Variants in ZNF423 observed in about 807,000 individuals in gnomAD.
The protein encoded by ZNF423 is zinc finger protein 423.
Under a neutral mutation model 95.8 loss-of-function variants are expected in ZNF423, and 12 were observed. That is an observed-to-expected ratio of 0.13 (90% confidence interval 0.08 to 0.20). The LOEUF (loss-of-function observed/expected upper bound fraction) is 0.20. ZNF423 is among the 10% of genes least tolerant of loss of function. The pLI is 1.00. For missense variants in ZNF423, 1,316 were observed against 1,737.1 expected, an observed-to-expected ratio of 0.76 and a Z score of 4.31; for synonymous variants, 749 against 711.9, an observed-to-expected ratio of 1.05 and a Z score of -0.83.
At chr16:49,732,833 C>T (rs1055134909) in intron 2 of ZNF423, among the ~76,000 whole-genome samples, 7 of 152,202 alleles carry the variant, frequency 4.6e-5, no homozygotes, top group Non-Finnish European at 8.8e-5. Flanking sequence ...ATCGGCTCAT[C>T]GGAGAGCCAG....
chr16:49,513,283 C>T (rs181164129), intron 7 of ZNF423, among the ~76,000 whole-genome samples: 1 of 152,262 alleles, frequency 6.6e-6, no homozygotes, highest in African/African-American at 2.4e-5. Flanking sequence ...CCATCTGGGC[C>T]CTGGTCTCCC....
chr16:49,730,019 A>G (rs976317109), intron 3 of ZNF423, among the ~76,000 whole-genome samples: 7 of 152,172 alleles, frequency 4.6e-5, no homozygotes, highest in African/African-American at 1.7e-4. Context: ...CACAGGTCCT[A>G]TGGACTCCCT....
intron 5 of ZNF423, among the ~76,000 whole-genome samples, chr16:49,534,981 A>G (rs1481738665): frequency 6.6e-6 from 1 of 151,894 alleles, no homozygotes; most frequent in Non-Finnish European, 1.5e-5. Flanking sequence ...CCATTTCTTT[A>G]TGGTTCTTCT....
intron 5 of ZNF423, among the ~76,000 whole-genome samples, chr16:49,569,271 T>C (rs1471627834): frequency 6.6e-6 from 1 of 152,200 alleles, no homozygotes; most frequent in Admixed American, 6.5e-5. Context: ...TTTCATGGAC[T>C]CCTGGAGAAG....
Position 49,635,392 on chromosome 16 carries a change from T to C in ZNF423, c.3516+268A>G, listed in dbSNP as rs754158954. Among the ~76,000 whole-genome samples, 1 of 152,246 alleles carries C rather than the reference T, an allele frequency of 6.6e-6. No homozygotes were observed. Among genetic ancestry groups the C allele is most frequent in the African/African-American group, 2.4e-5 (1 of 41,470 alleles). On this transcript the variant is annotated intron_variant, in intron 4 of 7. Transcript: ENST00000563137. This position sits in a 1 kb window ranked among gnomAD's most constrained non-coding sequence, Gnocchi z 4.8. ...GCCTCTTACAACAATTCTCTGAGGT[T>C]GGGACAATTATTATTCCCATTTTAT...
At chr16:49,536,870 C>T (rs1310999570) in intron 5 of ZNF423, among the ~76,000 whole-genome samples, 1 of 152,188 alleles carries the variant, frequency 6.6e-6, no homozygotes, top group African/African-American at 2.4e-5. Context: ...TGTTAGAATA[C>T]AGGCAAGGTG....
intron 5 of ZNF423, among the ~76,000 whole-genome samples, chr16:49,568,005 T>A (rs1970245547): frequency 6.6e-6 from 1 of 152,184 alleles, no homozygotes; most frequent in Non-Finnish European, 1.5e-5. Context: ...CAGAGAATAA[T>A]GGCACTCCTG....
intron 2 of ZNF423, among the ~76,000 whole-genome samples, chr16:49,786,637 T>C (rs2143808152): frequency 1.3e-5 from 2 of 152,170 alleles, no homozygotes; most frequent in Middle Eastern, 6.8e-3. Context: ...CCTGCTCAGC[T>C]CTCCACCTCC....
chr16:49,792,928 A>T (rs1223205871), intron 1 of ZNF423, among the ~76,000 whole-genome samples: 1 of 151,858 alleles, frequency 6.6e-6, no homozygotes, highest in East Asian at 1.9e-4. Context: ...CATCTGGCTA[A>T]TTTTTTTATT....
At chr16:49,512,029 C>G (rs531537584) in intron 7 of ZNF423, among the ~76,000 whole-genome samples, 30 of 152,264 alleles carry the variant, frequency 2.0e-4, no homozygotes, top group African/African-American at 6.3e-4. Flanking sequence ...CAGCACTATA[C>G]TATACTATAC....
rs550072095 is a variant in ZNF423 at position 49,669,286 on chromosome 16, G to A, written c.302-30412C>T. Reference sequence around the variant, plus strand: ...GGAGGTTGCAGTGAGCTGAGTTCGCGCCATTGCACTCCAGCCTGGATAACA... The same window carrying A: ...GGAGGTTGCAGTGAGCTGAGTTCGCACCATTGCACTCCAGCCTGGATAACA... On this transcript the variant is annotated intron_variant, in intron 3 of 7. Coordinates refer to ENST00000563137, the MANE Select transcript of ZNF423 (RefSeq NM_001379286.1). 5.3e-5 allele frequency among the ~76,000 whole-genome samples: 8 copies of A among 150,784 alleles called. No homozygotes were observed. In the South Asian group the frequency reaches 6.3e-4, roughly 12 times the overall value.
intron 5 of ZNF423, among the ~76,000 whole-genome samples, chr16:49,619,357 AAAAC>A (rs1015199239): frequency 4.4e-4 from 67 of 152,316 alleles, no homozygotes; most frequent in African/African-American, 1.4e-3. Flanking sequence ...GCCTTCCCCC[AAAAC>A]AAACAAACAA....
chr16:49,528,692 G>A (rs1367437306), intron 5 of ZNF423, among the ~76,000 whole-genome samples: 3 of 152,136 alleles, frequency 2.0e-5, no homozygotes, highest in South Asian at 4.2e-4. Context: ...TCTCCCCACT[G>A]GAGGGGTTAG....
chr16:49,543,059 G>C (rs533840465), intron 5 of ZNF423, among the ~76,000 whole-genome samples: 169 of 152,232 alleles, frequency 1.1e-3, no homozygotes, highest in African/African-American at 4.0e-3. Flanking sequence ...TTTGTATTTT[G>C]AATGCTAATT....
chr16:49,802,129 T>C (rs931303698), intron 1 of ZNF423, among the ~76,000 whole-genome samples: 16 of 152,004 alleles, frequency 1.1e-4, no homozygotes, highest in Non-Finnish European at 2.9e-5. Flanking sequence ...ATTACAGGAG[T>C]GAGCCACCAT....
At chr16:49,704,029 G>T (rs2032274957) in intron 3 of ZNF423, among the ~76,000 whole-genome samples, 2 of 152,152 alleles carry the variant, frequency 1.3e-5, no homozygotes, top group South Asian at 4.1e-4. Flanking sequence ...GGAAGGGCAG[G>T]TTTCCCCTTC....
chr16:49,839,185 A>C (rs919620511), intron 1 of ZNF423, among the ~76,000 whole-genome samples: 1 of 148,952 alleles, frequency 6.7e-6, no homozygotes, highest in Non-Finnish European at 1.5e-5. Flanking sequence ...CCCAGATCCT[A>C]CAAGGCAACT....
At chr16:49,649,466 G>A (rs939165500) in intron 3 of ZNF423, among the ~76,000 whole-genome samples, 60 of 152,154 alleles carry the variant, frequency 3.9e-4, no homozygotes, top group African/African-American at 1.4e-3. Context: ...TAGTTCGGGT[G>A]GTTTTTTAAT....
intron 3 of ZNF423, among the ~76,000 whole-genome samples, chr16:49,690,783 G>A (rs776994002): frequency 5.3e-5 from 8 of 152,132 alleles, no homozygotes; most frequent in Non-Finnish European, 8.8e-5. Context: ...AGGTACCCCC[G>A]AGCGCTCCCA....
Sources: allele counts gnomAD v4.1 joint callset (sites outside exome capture counted in the v4.1 genomes callset), GRCh38; gene constraint gnomAD v4.1.1; non-coding constraint Gnocchi (gnomAD v3.1); transcripts MANE v1.5; gene names NCBI Gene and HGNC (gene_info 2026-07-23, HGNC 2026-07-21).